Variants in TGFBRAP1 observed in about 807,000 individuals in gnomAD.
The protein encoded by TGFBRAP1 is transforming growth factor beta receptor associated protein 1.
In TGFBRAP1, 20 loss-of-function variants were observed where a neutral mutation model predicts 83.2. That is an observed-to-expected ratio of 0.24 (90% CI 0.17 to 0.35). TGFBRAP1 has a LOEUF of 0.35. TGFBRAP1 is among the 10% of genes least tolerant of loss of function. The probability of loss-of-function intolerance (pLI) is 1.00; values close to 1 mark genes in which losing one functional copy is unlikely to be tolerated. For missense variants in TGFBRAP1, 950 were observed against 1,099.4 expected, an observed-to-expected ratio of 0.86 and a Z score of 1.92; for synonymous variants, 415 against 459.8, an observed-to-expected ratio of 0.90 and a Z score of 1.25.
chr2:105,306,061 G>GGTT (rs771238970), intron 2 of TGFBRAP1, among the ~76,000 whole-genome samples: 5 of 74,928 alleles, frequency 6.7e-5, no homozygotes, highest in African/African-American at 1.9e-4. Context: ...TTTGTTTTTT[G>GGTT]TTTTTTGTTT....
At chr2:105,314,239 A>G (rs1678779776) in intron 1 of TGFBRAP1, among the ~76,000 whole-genome samples, 1 of 146,996 alleles carries the variant, frequency 6.8e-6, no homozygotes, top group Non-Finnish European at 1.5e-5. Flanking sequence ...CCCAGCCTGT[A>G]GTACTTTCTC....
chr2:105,287,389 A>C (rs1189313170), intron 4 of TGFBRAP1, among the ~76,000 whole-genome samples: 1 of 151,924 alleles, frequency 6.6e-6, no homozygotes, highest in African/African-American at 2.4e-5. Context: ...CATTACAAAA[A>C]AAATAACTTC....
intron 4 of TGFBRAP1, among the ~76,000 whole-genome samples, chr2:105,294,249 G>A (rs1312464677): frequency 6.6e-6 from 1 of 151,898 alleles, no homozygotes; most frequent in African/African-American, 2.4e-5. Context: ...TGTTCTCTTT[G>A]TCTTCCACCC....
chr2:105,322,182 A>G (rs574482281), intron 1 of TGFBRAP1, among the ~76,000 whole-genome samples: 1 of 152,202 alleles, frequency 6.6e-6, no homozygotes, highest in East Asian at 1.9e-4. Flanking sequence ...AGTTTAAAGA[A>G]AAAAAAAGAA....
chr2:105,277,878 G>A (rs575441798), intron 6 of TGFBRAP1, among the ~76,000 whole-genome samples: 1 of 152,252 alleles, frequency 6.6e-6, no homozygotes, highest in East Asian at 1.9e-4. Context: ...ACAACATAGT[G>A]AGATCTTGTC....
intron 10 of TGFBRAP1, among the ~76,000 whole-genome samples, chr2:105,272,229 GCCTCTGTA>G (rs1677179528): frequency 6.6e-6 from 1 of 152,170 alleles, no homozygotes. Flanking sequence ...AGAAACTGTG[GCCTCTGTA>G]CCCCTGAGGA....
At chr2:105,287,580 T>C (rs904772284) in intron 4 of TGFBRAP1, among the ~76,000 whole-genome samples, 7 of 152,124 alleles carry the variant, frequency 4.6e-5, no homozygotes, top group African/African-American at 1.7e-4. Flanking sequence ...CCCTCCACGC[T>C]GCATCTTCAT....
rs777619739 is a variant in TGFBRAP1 at position 105,308,232 on chromosome 2, G to T, written c.70C>A (p.Arg24Ser). The change falls in exon 2 of 12, where the codon CGC becomes AGC. Residue 24 changes from arginine (R) to serine (S), a missense_variant. By Grantham distance (110) the Arg-to-Ser change is moderately radical. Transcript: ENST00000393359. ...ERELLMGDKE[R>S]VNIECVECCG... ...CACTCCACGCACTCTATGTTGACGCGCTCCTTGTCGCCCATCAGCAGCTCC... is the reference window on the plus strand; with the variant it reads ...CACTCCACGCACTCTATGTTGACGCTCTCCTTGTCGCCCATCAGCAGCTCC... 1 of 1,614,060 alleles carries T rather than the reference G, an allele frequency of 6.2e-7. No homozygotes were observed. The highest frequency in any genetic ancestry group is 1.3e-5 in the African/African-American group (1 of 74,922).
chr2:105,271,669 A>C (rs1677158659), intron 10 of TGFBRAP1, among the ~76,000 whole-genome samples: 1 of 152,208 alleles, frequency 6.6e-6, no homozygotes, highest in Non-Finnish European at 1.5e-5. Flanking sequence ...GTTGTTGTGG[A>C]AACTGTGTCA....
intron 2 of TGFBRAP1, among the ~76,000 whole-genome samples, chr2:105,300,279 T>C (rs1678239694): frequency 6.6e-6 from 1 of 152,178 alleles, no homozygotes; most frequent in African/African-American, 2.4e-5. Context: ...AATTTGCTTA[T>C]AATTGTGCCA....
intron 2 of TGFBRAP1, among the ~76,000 whole-genome samples, chr2:105,300,865 C>T (rs1345235001): frequency 6.6e-6 from 1 of 152,182 alleles, no homozygotes; most frequent in Non-Finnish European, 1.5e-5. Flanking sequence ...TAAAGGCCAT[C>T]ATCAGTGAGG....
At chr2:105,302,636 A>C (rs1413982892) in intron 2 of TGFBRAP1, among the ~76,000 whole-genome samples, 3 of 152,240 alleles carry the variant, frequency 2.0e-5, no homozygotes, top group Admixed American at 6.5e-5. Flanking sequence ...ATGAAAGAAT[A>C]AACCCTAAAA....
At chr2:105,305,591 A>G (rs1255854001) in intron 2 of TGFBRAP1, among the ~76,000 whole-genome samples, 1 of 152,262 alleles carries the variant, frequency 6.6e-6, no homozygotes, top group Non-Finnish European at 1.5e-5. Context: ...CATAACAGAG[A>G]GAAAATGTTA....
the TGFBRAP1 span, among the ~76,000 whole-genome samples, chr2:105,256,281 C>G: frequency 1.5e-4 from 23 of 152,130 alleles, no homozygotes; most frequent in Non-Finnish European, 2.9e-4. Context: ...AGCCTTATCT[C>G]TCACCATTCC....
At chr2:105,250,929 G>T in the TGFBRAP1 span, among the ~76,000 whole-genome samples, 2 of 152,232 alleles carry the variant, frequency 1.3e-5, no homozygotes, top group African/African-American at 2.4e-5. Context: ...GTGCCGGGAT[G>T]GCAGACGGAG....
At chr2:105,253,513 C>G in the TGFBRAP1 span, among the ~76,000 whole-genome samples, 23 of 152,244 alleles carry the variant, frequency 1.5e-4, no homozygotes, top group African/African-American at 5.5e-4. Flanking sequence ...ATTACTGCAG[C>G]CTTAAACTCC....
rs753482379 is a variant in TGFBRAP1 at position 105,267,460 on chromosome 2, C to T, written c.2506G>A (p.Gly836Ser). 30 of 1,614,042 alleles carry T rather than the reference C, an allele frequency of 1.9e-5. No homozygotes were observed. Among genetic ancestry groups the T allele is most frequent in the Non-Finnish European group, 2.5e-6 (3 of 1,180,054 alleles). The part of the protein sequence containing the change: ...CEPVFVRYPN[G>S]GLVHTHCAAS... ...GCACAGTGGGTGTGCACAAGACCAC[C>T]ATTTGGGTATCTAACAAACACAGGC... Residue 836 changes from glycine to serine, a missense_variant, in exon 12 of 12, where the codon GGT becomes AGT. By Grantham distance (56) the Gly-to-Ser change is moderately conservative. Transcript: ENST00000393359.
Position 105,277,652 on chromosome 2 carries a change from G to T in TGFBRAP1, c.1483C>A (p.Leu495Ile), listed in dbSNP as rs1299105560. ...GCATCTTGGTTATTATAATGATAGA[G>T]CAGTCCAAGTGCAAAATACCTGAAA... is the stretch of plus-strand genomic sequence containing the variant. ...KHKKYFALGL[L>I]YHYNNQDAAA... The change falls in exon 7 of 12, where the codon CTC becomes ATC. Residue 495 changes from leucine (L) to isoleucine (I), a missense_variant. Leu to Ile is a conservative substitution (Grantham distance 5, BLOSUM62 2). Coordinates refer to ENST00000393359, the MANE Select transcript of TGFBRAP1 (RefSeq NM_004257.6). 6.2e-7 allele frequency: 1 copy of T among 1,614,088 alleles called. No homozygotes were observed. Among genetic ancestry groups the T allele is most frequent in the East Asian group, 2.2e-5 (1 of 44,880 alleles).
chr2:105,274,268 T>G (rs1213436319), intron 8 of TGFBRAP1, among the ~76,000 whole-genome samples: 1 of 152,206 alleles, frequency 6.6e-6, no homozygotes, highest in Admixed American at 6.5e-5. Flanking sequence ...GGTCCAATCC[T>G]CTGGTTCAAG....
Sources: allele counts gnomAD v4.1 joint callset (sites outside exome capture counted in the v4.1 genomes callset), GRCh38; gene constraint gnomAD v4.1.1; transcripts MANE v1.5; gene names NCBI Gene and HGNC (gene_info 2026-07-23, HGNC 2026-07-21).